Variants in DPP10 observed in about 807,000 individuals in gnomAD.
DPP10 encodes the protein dipeptidyl peptidase like 10.
Under a neutral mutation model 120.9 loss-of-function variants are expected in DPP10, and 33 were observed. The ratio of observed to expected loss-of-function variants is 0.27; its 90% CI spans 0.21 to 0.37. The LOEUF (loss-of-function observed/expected upper bound fraction) is 0.37, where lower values mean the gene tolerates loss of function less well. DPP10 is among the 10% of genes least tolerant of loss of function. The pLI is 1.00. For synonymous variants in DPP10, 337 were observed against 326.1 expected, an observed-to-expected ratio of 1.03 and a Z score of -0.36; for missense variants, 816 against 942.8, an observed-to-expected ratio of 0.87 and a Z score of 1.76.
At chr2:114,830,924 T>C (rs1311102607) in intron 1 of DPP10, among the ~76,000 whole-genome samples, 1 of 151,358 alleles carries the variant, frequency 6.6e-6, no homozygotes, top group East Asian at 1.9e-4. Context: ...AAACAAGCAT[T>C]GCTCAAGCCC....
chr2:115,035,700 A>G (rs559514738), intron 1 of DPP10, among the ~76,000 whole-genome samples: 8 of 152,132 alleles, frequency 5.3e-5, no homozygotes, highest in Non-Finnish European at 1.2e-4. Context: ...AATTCTCTAA[A>G]CCATTCAGTG....
intron 1 of DPP10, among the ~76,000 whole-genome samples, chr2:115,095,368 T>A (rs375657171): frequency 2.0e-5 from 3 of 152,158 alleles, no homozygotes; most frequent in Non-Finnish European, 2.9e-5. Flanking sequence ...GAAGGTCATA[T>A]GCAGATGGGC....
intron 1 of DPP10, among the ~76,000 whole-genome samples, chr2:115,247,579 A>T (rs1037566144): frequency 6.6e-6 from 1 of 152,162 alleles, no homozygotes; most frequent in African/African-American, 2.4e-5. Context: ...TGAACATCAC[A>T]CAACTGATGG....
intron 3 of DPP10, among the ~76,000 whole-genome samples, chr2:115,415,876 T>TATATATATAA: frequency 7.5e-6 from 1 of 133,162 alleles, no homozygotes; most frequent in Non-Finnish European, 1.6e-5. Flanking sequence ...TATATATATA[T>TATATATATAA]GCACACACAC....
intron 1 of DPP10, chr2:114,835,323 A>G (rs1209980515): frequency 3.3e-5 from 5 of 151,844 alleles, no homozygotes; most frequent in Non-Finnish European, 7.4e-5. Flanking sequence ...CTACACACCT[A>G]TGTATATATA....
At chr2:115,490,418 G>GTACC (rs1553429698) in intron 3 of DPP10, among the ~76,000 whole-genome samples, 1 of 151,770 alleles carries the variant, frequency 6.6e-6, no homozygotes, top group Non-Finnish European at 1.5e-5. Flanking sequence ...CTCCTACCGG[G>GTACC]TCCCCTGACA....
Position 115,617,289 on chromosome 2 carries a change from T to C in DPP10, c.442-72398T>C, listed in dbSNP as rs187341863. On this transcript the variant is annotated intron_variant, in intron 5 of 25. Transcript: ENST00000410059. ...TATATTTTTTATATATATATATATATACACACATAGCATATATGTATATGC... is the reference window on the plus strand; with the variant it reads ...TATATTTTTTATATATATATATATACACACACATAGCATATATGTATATGC... Among the ~76,000 whole-genome samples, 466 of 136,494 alleles carry C rather than the reference T, an allele frequency of 3.4e-3. 2 individuals carry two copies. Among genetic ancestry groups the C allele is most frequent in the African/African-American group, 0.011 (426 of 37,372 alleles). 89.5% of individuals were successfully genotyped at this position (136,494 alleles called of 152,430 possible).
Position 115,094,438 on chromosome 2 carries a change from G to A in DPP10, c.61-214801G>A, listed in dbSNP as rs183377402. Among the ~76,000 whole-genome samples, 667 of 152,278 alleles carry A rather than the reference G, an allele frequency of 4.4e-3. 5 individuals carry two copies. The highest frequency in any genetic ancestry group is 0.015 in the African/African-American group (621 of 41,582). On this transcript the variant is annotated intron_variant, in intron 1 of 25. Coordinates refer to ENST00000410059, the MANE Select transcript of DPP10 (RefSeq NM_020868.6). ...CGGCAAACTTTCTCATTGATCACAA[G>A]AGTCAAAGGGCAATCTTCAATCCTC...
chr2:114,658,467 T>C (rs1326636324), intron 1 of DPP10, among the ~76,000 whole-genome samples: 1 of 152,202 alleles, frequency 6.6e-6, no homozygotes, highest in Non-Finnish European at 1.5e-5. Context: ...ATCTTCAGTT[T>C]ATTGAAATGG....
intron 1 of DPP10, among the ~76,000 whole-genome samples, chr2:114,899,938 T>C (rs559324733): frequency 1.3e-5 from 2 of 152,230 alleles, no homozygotes; most frequent in African/African-American, 2.4e-5. Flanking sequence ...CCAGCCTGGG[T>C]GACAGAGCGA....
chr2:114,699,702 G>T (rs748408723), intron 1 of DPP10, among the ~76,000 whole-genome samples: 1 of 152,028 alleles, frequency 6.6e-6, no homozygotes, highest in Non-Finnish European at 1.5e-5. Flanking sequence ...GTAAATGTGG[G>T]ACTTGAAGGT....
chr2:115,289,666 G>T (rs1271815801), intron 1 of DPP10, among the ~76,000 whole-genome samples: 1 of 151,928 alleles, frequency 6.6e-6, no homozygotes, highest in African/African-American at 2.4e-5. Context: ...GACCAATGAA[G>T]CAGAATAGAG....
intron 1 of DPP10, among the ~76,000 whole-genome samples, chr2:114,974,314 T>C (rs1271613773): frequency 6.6e-6 from 1 of 152,192 alleles, no homozygotes. Flanking sequence ...TGTGTTACAA[T>C]TGCCTGCATT....
Position 115,380,373 on chromosome 2 carries a change from G to A in DPP10, c.271+36461G>A, listed in dbSNP as rs540126734. On this transcript the variant is annotated intron_variant, in intron 3 of 25. Coordinates refer to ENST00000410059, the MANE Select transcript of DPP10 (RefSeq NM_020868.6). ...TGTTTTATCAGAGACTAGGATTGCA[G>A]CCCCTGCCTTTTTTTGTTTTCCATT... Among the ~76,000 whole-genome samples the A allele has an allele frequency of 1.1e-4, 17 of 152,044 alleles. No individual in the cohort carries two copies. In the East Asian group the frequency reaches 2.3e-3, roughly 21 times the overall value.
chr2:114,651,104 A>G (rs760199779), intron 1 of DPP10, among the ~76,000 whole-genome samples: 2 of 151,926 alleles, frequency 1.3e-5, no homozygotes, highest in African/African-American at 4.8e-5. Flanking sequence ...CCTTTCTCCT[A>G]TTGTTTATGG....
At chr2:114,928,783 C>T (rs1000026374) in intron 1 of DPP10, among the ~76,000 whole-genome samples, 1 of 152,142 alleles carries the variant, frequency 6.6e-6, no homozygotes, top group Non-Finnish European at 1.5e-5. Context: ...AGCCTCCAAG[C>T]TTTCACCACT....
intron 1 of DPP10, among the ~76,000 whole-genome samples, chr2:114,566,521 TG>T (rs1689214752): frequency 6.6e-6 from 1 of 152,230 alleles, no homozygotes. Flanking sequence ...ATGATCCTGC[TG>T]GTTTCTCCAC....
intron 7 of DPP10, among the ~76,000 whole-genome samples, chr2:115,705,722 A>G (rs2092076379): frequency 6.6e-6 from 1 of 151,958 alleles, no homozygotes; most frequent in Non-Finnish European, 1.5e-5. Context: ...TACCTCATTC[A>G]TCTTCATTAG....
intron 5 of DPP10, among the ~76,000 whole-genome samples, chr2:115,577,721 C>T (rs1276731318): frequency 2.0e-5 from 3 of 152,070 alleles, no homozygotes; most frequent in African/African-American, 7.2e-5. Flanking sequence ...GCCTTTCTCT[C>T]GGGCTTGTAG....
Sources: allele counts gnomAD v4.1 joint callset (sites outside exome capture counted in the v4.1 genomes callset), GRCh38; gene constraint gnomAD v4.1.1; transcripts MANE v1.5; gene names NCBI Gene and HGNC (gene_info 2026-07-23, HGNC 2026-07-21).